The following FSIP2 variants were observed in gnomAD, a reference collection of about 807,000 sequenced individuals.
The protein encoded by FSIP2 is fibrous sheath-interacting protein 2.
A neutral mutation model predicts 510.5 loss-of-function variants in FSIP2; 367 were observed. That is an observed-to-expected ratio of 0.72 (90% CI 0.66 to 0.78). FSIP2 has a LOEUF of 0.78. FSIP2 is among the 30% of genes least tolerant of loss of function. The pLI, the probability that FSIP2 is intolerant of heterozygous loss-of-function variation, is 0.00. For synonymous variants in FSIP2, 2,601 were observed against 2,732.2 expected, an observed-to-expected ratio of 0.95 and a Z score of 1.50; for missense variants, 7,594 against 7,901.7, an observed-to-expected ratio of 0.96 and a Z score of 1.48.
Position 185,788,750 on chromosome 2 carries a change from G to A in FSIP2, c.1614G>A (p.Leu538=). The A allele has an allele frequency of 4.6e-6, 7 of 1,534,290 alleles. No individual in the cohort carries two copies. The highest frequency in any genetic ancestry group is 6.1e-6 in the Non-Finnish European group (7 of 1,145,626). The part of the protein sequence containing the change: ...YPAITKYEKR[L]QNNTYPVSDD... Reference sequence around the variant, plus strand: ...CCATCACAAAGTATGAAAAAAGATTGCAAAATAATACATACCCAGTATCTG... The same window carrying A: ...CCATCACAAAGTATGAAAAAAGATTACAAAATAATACATACCCAGTATCTG... Residue 538 remains leucine (L), a synonymous_variant, in exon 16 of 23, where the codon TTG becomes TTA. Transcript: ENST00000424728.
At chr2:185,799,399 G>T (rs1057464896) in intron 16 of FSIP2, among the ~76,000 whole-genome samples, 1 of 151,726 alleles carries the variant, frequency 6.6e-6, no homozygotes, top group Non-Finnish European at 1.5e-5. Context: ...TTATTTCTCT[G>T]CCCCAAGCTT....
intron 14 of FSIP2, among the ~76,000 whole-genome samples, chr2:185,785,533 A>C (rs1236485037): frequency 2.0e-5 from 3 of 151,944 alleles, no homozygotes; most frequent in South Asian, 4.1e-4. Flanking sequence ...CAGCAAAAAT[A>C]TACAAAAATA....
At chr2:185,781,745 T>TA (rs1188729959) in intron 13 of FSIP2, among the ~76,000 whole-genome samples, 1 of 152,242 alleles carries the variant, frequency 6.6e-6, no homozygotes, top group Non-Finnish European at 1.5e-5. Context: ...TAGGCAAAAT[T>TA]AAAAATATTT....
At chr2:185,787,040 C>T (rs1158955632) in intron 15 of FSIP2, among the ~76,000 whole-genome samples, 1 of 151,692 alleles carries the variant, frequency 6.6e-6, no homozygotes, top group Non-Finnish European at 1.5e-5. Context: ...CCGTAACTAA[C>T]CTAAGAGTAA....
chr2:185,753,941 C>A, intron 8 of FSIP2, 99 bp downstream of exon 8: 1 of 787,542 alleles, frequency 1.3e-6, no homozygotes, highest in Non-Finnish European at 1.8e-6. Context: ...ACTTGTTTCT[C>A]CCTTTGTGCC....
At position 185,805,894 on chromosome 2, in the gene FSIP2, C is replaced by T. The variant is rs113557330; in HGVS notation, c.16588C>T (p.Gln5530Ter). The stretch of plus-strand genomic sequence containing the variant: ...TGAAAATAAAGTGGGAATTTGTACT[C>T]AAAAACATAGTGAGAATGTATCAAA... ...VDENKVGICT[Q>*]KHSENVSKVT... The change falls in exon 17 of 23, where the codon CAA (glutamine) becomes TAA (stop). Residue 5530 changes from glutamine to a stop codon, truncating the protein, a stop_gained. Transcript: ENST00000424728. LOFTEE classifies it high-confidence loss of function. The T allele has an allele frequency of 1.9e-6, 3 of 1,607,216 alleles. No individual in the cohort carries two copies. The highest frequency in any genetic ancestry group is 2.5e-6 in the Non-Finnish European group (3 of 1,177,166).
At position 185,833,162 on chromosome 2, in the gene FSIP2, T is replaced by C. The variant is rs1242999181; in HGVS notation, c.20660T>C (p.Val6887Ala). ...LTKMSSTLSK[V>A]FSQCNTNISR... is the part of the protein sequence containing the mutation. ...AAAATGTCTTCAACTTTGTCAAAGGTGTTTTCTCAATGTAACACCAATATT... is the reference window on the plus strand; with the variant it reads ...AAAATGTCTTCAACTTTGTCAAAGGCGTTTTCTCAATGTAACACCAATATT... The change falls in exon 23 of 23, where the codon GTG becomes GCG. Residue 6887 changes from valine (V) to alanine (A), a missense_variant. By Grantham distance (64) the Val-to-Ala change is moderately conservative. Coordinates refer to ENST00000424728, the MANE Select transcript of FSIP2 (RefSeq NM_173651.4). The C allele has an allele frequency of 1.2e-6, 2 of 1,610,926 alleles. No individual in the cohort carries two copies. Among genetic ancestry groups the C allele is most frequent in the Admixed American group, 3.3e-5 (2 of 59,736 alleles).
At chr2:185,774,735 C>T (rs1197395854) in intron 13 of FSIP2, among the ~76,000 whole-genome samples, 3 of 112,984 alleles carry the variant, frequency 2.7e-5, no homozygotes, top group Non-Finnish European at 5.4e-5. Context: ...TCCCCCCTCC[C>T]CCCACCCCAC....
At position 185,789,868 on chromosome 2, in the gene FSIP2, C is replaced by T. The variant is rs1486720657; in HGVS notation, c.2732C>T (p.Ala911Val). The T allele has an allele frequency of 6.5e-7, 1 of 1,530,818 alleles. No individual in the cohort carries two copies. The highest frequency in any genetic ancestry group is 8.8e-7 in the Non-Finnish European group (1 of 1,142,756). 94.8% of individuals were successfully genotyped at this position (1,530,818 alleles called of 1,614,324 possible). A position where few individuals can be genotyped will look rare whatever the true frequency, so the allele number is the denominator to read the frequency against. Residue 911 changes from alanine (A) to valine (V), a missense_variant, in exon 16 of 23, where the codon GCT (alanine) becomes GTT (valine). By Grantham distance (64) the Ala-to-Val change is moderately conservative. Coordinates refer to ENST00000424728, the MANE Select transcript of FSIP2 (RefSeq NM_173651.4). ...GCTTATATAGAGGAAGCAATCAATG[C>T]TATACTAGGTTATATACAAACTGAA... ...LVAYIEEAIN[A>V]ILGYIQTELN...
At chr2:185,798,854 G>A (rs916015642) in intron 16 of FSIP2, among the ~76,000 whole-genome samples, 7 of 151,724 alleles carry the variant, frequency 4.6e-5, no homozygotes, top group East Asian at 1.9e-4. Flanking sequence ...CAGTGACTTC[G>A]CTCATGTTCC....
rs1318216550 is a variant in FSIP2 at position 185,791,179 on chromosome 2, T to C, written c.4043T>C (p.Ile1348Thr). ...AAATTAGAATCTCTTGTCACGAGTA[T>C]TGATGATGACATTTTGGCGAGTCCA... ...DKKLESLVTS[I>T]DDDILASPLL... Residue 1348 changes from isoleucine (I) to threonine (T), a missense_variant, in exon 16 of 23, where the codon ATT (isoleucine) becomes ACT (threonine). Coordinates refer to ENST00000424728, the MANE Select transcript of FSIP2 (RefSeq NM_173651.4). The C allele has an allele frequency of 7.2e-6, 11 of 1,533,730 alleles. No individual in the cohort carries two copies. The East Asian group carries it at 9.8e-5, about 14-fold the overall frequency.
At chr2:185,764,415 A>T in intron 12 of FSIP2, 87 bp from the exon 13 acceptor site, 2 of 679,222 alleles carry the variant, frequency 2.9e-6, no homozygotes, top group South Asian at 2.0e-5. Context: ...AAATTTCTGT[A>T]CTATAAATAT....
At chr2:185,824,542 A>C in intron 20 of FSIP2, 62 bp downstream of exon 20, 1 of 945,828 alleles carries the variant, frequency 1.1e-6, no homozygotes, top group Non-Finnish European at 1.6e-6. Flanking sequence ...TTTTTTTTTT[A>C]GTTATCAAAC....
rs1317654490 is a variant in FSIP2, at chr2:185,744,400, A to G, written c.466A>G (p.Ile156Val). The G allele has an allele frequency of 2.0e-6, 2 of 1,016,410 alleles. No homozygotes were observed. Among genetic ancestry groups the G allele is most frequent in the Non-Finnish European group, 1.3e-6 (1 of 742,498 alleles). 63.0% of individuals were successfully genotyped at this position (1,016,410 alleles called of 1,614,324 possible). The change falls in exon 4 of 23, where the codon ATA becomes GTA. Residue 156 changes from isoleucine to valine, a missense_variant. Ile to Val is a conservative substitution (Grantham distance 29). Transcript: ENST00000424728. ...AAAATTAGACTTTGAGAGAAACTAT[A>G]TAAAAGAACAAGTAAGTTAAATACT... ...SLKLDFERNYIKEQRILAKQL... is the reference protein window; with the variant it reads ...SLKLDFERNYVKEQRILAKQL...
In FSIP2 at chr2:185,791,841, A is replaced by G; in HGVS notation, c.4705A>G (p.Ser1569Gly). ...PVAPVSSKTP[S>G]TKEMHPNKLK... ...TGCTCCTGTGTCTTCCAAAACACCA[A>G]GCACAAAAGAAATGCATCCAAATAA... is the stretch of plus-strand genomic sequence containing the variant. The change falls in exon 16 of 23, where the codon AGC (serine) becomes GGC (glycine). Residue 1569 changes from serine to glycine, a missense_variant. Coordinates refer to ENST00000424728, the MANE Select transcript of FSIP2 (RefSeq NM_173651.4). 1 of 1,533,712 alleles carries G rather than the reference A, an allele frequency of 6.5e-7. No individual in the cohort carries two copies. The highest frequency in any genetic ancestry group is 8.7e-7 in the Non-Finnish European group (1 of 1,145,436).
chr2:185,824,307 A>T (rs1693975890), intron 19 of FSIP2, 127 bp from the exon 20 acceptor site: 1 of 664,100 alleles, frequency 1.5e-6, no homozygotes, highest in Admixed American at 3.1e-5. Context: ...TGTGATTTGG[A>T]ATCTCAGTGA....
chr2:185,796,538 G>A lies in FSIP2; in HGVS notation c.9402G>A (p.Glu3134=). 1 of 1,535,050 alleles carries A rather than the reference G, an allele frequency of 6.5e-7. No homozygotes were observed. Among genetic ancestry groups the A allele is most frequent in the Non-Finnish European group, 8.7e-7 (1 of 1,146,208 alleles). The change falls in exon 16 of 23, where the codon GAG becomes GAA. Residue 3134 remains glutamate (E), a synonymous_variant. Coordinates refer to ENST00000424728, the MANE Select transcript of FSIP2 (RefSeq NM_173651.4). The part of the protein sequence containing the change: ...TLMDQCTYFN[E]SLIQNLSRES... ...TGGACCAGTGTACTTATTTCAATGA[G>A]TCTTTGATACAAAACCTTTCAAGAG...
chr2:185,831,797 C>T lies in FSIP2; in HGVS notation c.20518-16C>T. On this transcript the variant is annotated splice_polypyrimidine_tract_variant and intron_variant, in intron 21 of 22. Transcript: ENST00000424728. ...CCAGTGAAAGACTCAGTTTGTATTT[C>T]AATTTACCTTGGCAGTTTATCACCA... is the stretch of plus-strand genomic sequence containing the variant. 1 of 1,584,006 alleles carries T rather than the reference C, an allele frequency of 6.3e-7. No individual in the cohort carries two copies. Among genetic ancestry groups the T allele is most frequent in the Non-Finnish European group, 8.7e-7 (1 of 1,153,676 alleles).
chr2:185,816,842 C>G (rs1223555217), intron 19 of FSIP2, among the ~76,000 whole-genome samples: 4 of 108,020 alleles, frequency 3.7e-5, no homozygotes, highest in Admixed American at 1.1e-4. Flanking sequence ...GGTAACAGAG[C>G]GAAACTCTGA....
Sources: gnomAD v4.1 joint callset for allele counts (sites outside exome capture counted in the v4.1 genomes callset) on GRCh38, gnomAD v4.1.1 for gene constraint, MANE v1.5 for transcripts, NCBI Gene and HGNC (gene_info 2026-07-23, HGNC 2026-07-21) for gene names.